Variants in GRID2 observed in about 807,000 individuals in gnomAD.
GRID2 encodes the protein glutamate receptor ionotropic, delta-2.
A neutral mutation model predicts 114.8 loss-of-function variants in GRID2; 33 were observed. The ratio of observed to expected loss-of-function variants is 0.29; its 90% CI spans 0.22 to 0.38. GRID2 has a LOEUF of 0.38. GRID2 is among the 10% of genes least tolerant of loss of function. The probability of loss-of-function intolerance (pLI) is 1.00; values close to 1 mark genes in which losing one functional copy is unlikely to be tolerated. For synonymous variants in GRID2, 505 were observed against 449.9 expected, an observed-to-expected ratio of 1.12 and a Z score of -1.55; for missense variants, 1,184 against 1,257.7, an observed-to-expected ratio of 0.94 and a Z score of 0.89.
In GRID2 at chr4:92,797,576, CT is replaced by C. The variant is rs982100032; in HGVS notation, c.244+207294del. 3.3e-5 allele frequency among the ~76,000 whole-genome samples: 5 copies of C among 151,936 alleles called. No homozygotes were observed. In the South Asian group the frequency reaches 1.0e-3, roughly 32 times the overall value. ...AACTCTTTCAATAGATTTGCATACA[CT>C]TTTAAGTTAAAAATTTTAACTTTTT... On this transcript the variant is annotated intron_variant, in intron 2 of 15. Coordinates refer to ENST00000282020, the MANE Select transcript of GRID2 (RefSeq NM_001510.4).
intron 14 of GRID2, among the ~76,000 whole-genome samples, chr4:93,739,725 G>A (rs1731215951): frequency 6.6e-6 from 1 of 152,104 alleles, no homozygotes; most frequent in South Asian, 2.1e-4. Flanking sequence ...TTATCCTCCA[G>A]AGAAATTTGC....
At chr4:92,625,434 T>A (rs1288316722) in intron 2 of GRID2, among the ~76,000 whole-genome samples, 2 of 151,718 alleles carry the variant, frequency 1.3e-5, no homozygotes, top group East Asian at 3.9e-4. Flanking sequence ...GAGGCAAAAG[T>A]AGAAAGAGAG....
intron 2 of GRID2, among the ~76,000 whole-genome samples, chr4:92,620,474 A>G (rs1392356166): frequency 6.6e-6 from 1 of 151,696 alleles, no homozygotes; most frequent in African/African-American, 2.4e-5. Context: ...GGGACCAGTA[A>G]AAGAGAGACT....
At chr4:93,056,693 AAT>A (rs1249171024) in intron 2 of GRID2, among the ~76,000 whole-genome samples, 1 of 151,930 alleles carries the variant, frequency 6.6e-6, no homozygotes, top group Non-Finnish European at 1.5e-5. Flanking sequence ...GTGCATGATA[AAT>A]ATATGTTTCT....
At chr4:93,089,612 T>C (rs960059217) in intron 3 of GRID2, among the ~76,000 whole-genome samples, 61 of 152,264 alleles carry the variant, frequency 4.0e-4, no homozygotes, top group African/African-American at 1.1e-3. Flanking sequence ...TCTTTTTTCT[T>C]TGCAAATAGA....
chr4:92,378,068 AG>A (rs1292897678), intron 1 of GRID2, among the ~76,000 whole-genome samples: 2 of 152,074 alleles, frequency 1.3e-5, no homozygotes, highest in African/African-American at 4.8e-5. Context: ...ATATAATTTT[AG>A]AGCTGAAAGA....
At chr4:93,618,035 A>C (rs182221460) in intron 13 of GRID2, among the ~76,000 whole-genome samples, 9 of 152,264 alleles carry the variant, frequency 5.9e-5, no homozygotes, top group Admixed American at 4.6e-4. Flanking sequence ...GCCTCCCTGA[A>C]AGTTTACTCA....
chr4:92,707,089 G>A lies in GRID2; in HGVS notation c.244+116803G>A, dbSNP rs958490897. Among the ~76,000 whole-genome samples, 5 of 152,212 alleles carry A rather than the reference G, an allele frequency of 3.3e-5. No individual in the cohort carries two copies. The South Asian group carries it at 1.0e-3, about 32-fold the overall frequency. ...TTAATTCTTCTGTAAATGTTAGATA[G>A]GGAGTTATATTGATTTTTTAAAAAA... On this transcript the variant is annotated intron_variant, in intron 2 of 15. Transcript: ENST00000282020.
At chr4:92,674,947 C>G (rs964495681) in intron 2 of GRID2, among the ~76,000 whole-genome samples, 1 of 152,014 alleles carries the variant, frequency 6.6e-6, no homozygotes, top group Non-Finnish European at 1.5e-5. Flanking sequence ...TGACTATTTT[C>G]TTTTTCTTAT....
rs928144733 is a variant in GRID2 at position 92,485,184 on chromosome 4, G to T, written c.89-104947G>T. On this transcript the variant is annotated intron_variant, in intron 1 of 15. Coordinates refer to ENST00000282020, the MANE Select transcript of GRID2 (RefSeq NM_001510.4). ...CCTAATCCTGGAGGATGACAGTTGGGGATTGGGAAGGAATCAGTGAGAATA... is the reference window on the plus strand; with the variant it reads ...CCTAATCCTGGAGGATGACAGTTGGTGATTGGGAAGGAATCAGTGAGAATA... Among the ~76,000 whole-genome samples, 9 of 150,166 alleles carry T rather than the reference G, an allele frequency of 6.0e-5. No homozygotes were observed. In the East Asian group the frequency reaches 1.8e-3, roughly 29 times the overall value.
intron 4 of GRID2, among the ~76,000 whole-genome samples, chr4:93,156,106 A>G (rs928516282): frequency 1.3e-5 from 2 of 151,822 alleles, no homozygotes; most frequent in Admixed American, 1.3e-4. Flanking sequence ...CACCTGTTAC[A>G]TACCCATAAT....
chr4:92,389,675 C>A (rs1448875071), intron 1 of GRID2, among the ~76,000 whole-genome samples: 2 of 152,020 alleles, frequency 1.3e-5, no homozygotes, highest in Non-Finnish European at 2.9e-5. Flanking sequence ...TTACAAAGGT[C>A]TCTTTTAGTG....
In GRID2 at chr4:93,508,968, T is replaced by G. The variant is rs576860831; in HGVS notation, c.1998-6248T>G. On this transcript the variant is annotated intron_variant, in intron 12 of 15. Transcript: ENST00000282020. ...CAGCCAGGAATGAAGAAACAGTGTT[T>G]GGCTTATACTGTGAATATGAGTAAG... Among the ~76,000 whole-genome samples the G allele has an allele frequency of 4.6e-5, 7 of 152,336 alleles. No individual in the cohort carries two copies. In the South Asian group the frequency reaches 1.0e-3, roughly 23 times the overall value.
intron 8 of GRID2, among the ~76,000 whole-genome samples, chr4:93,251,690 T>C (rs979086155): frequency 6.6e-6 from 1 of 152,164 alleles, no homozygotes; most frequent in African/African-American, 2.4e-5. Flanking sequence ...CAGGCTCCAG[T>C]ATGTGTCGTT....
intron 2 of GRID2, among the ~76,000 whole-genome samples, chr4:92,737,839 A>G (rs966751663): frequency 3.3e-5 from 5 of 152,116 alleles, no homozygotes; most frequent in African/African-American, 4.8e-5. Context: ...TTTTGTTTCT[A>G]AACTAATACT....
At chr4:92,895,037 T>C (rs1287875472) in intron 2 of GRID2, among the ~76,000 whole-genome samples, 1 of 152,014 alleles carries the variant, frequency 6.6e-6, no homozygotes, top group Non-Finnish European at 1.5e-5. Flanking sequence ...CTGTCTCCCA[T>C]ATTTAAGTTA....
At chr4:92,661,730 A>G (rs1488602576) in intron 2 of GRID2, among the ~76,000 whole-genome samples, 1 of 150,892 alleles carries the variant, frequency 6.6e-6, no homozygotes, top group African/African-American at 2.4e-5. Context: ...TGTCTTAATG[A>G]TGATGTATAT....
intron 9 of GRID2, among the ~76,000 whole-genome samples, chr4:93,421,539 T>C (rs1260616798): frequency 6.6e-6 from 1 of 152,176 alleles, no homozygotes; most frequent in Non-Finnish European, 1.5e-5. Flanking sequence ...AACATAGTTA[T>C]AGATGAACAT....
At chr4:92,468,520 T>C (rs1721865150) in intron 1 of GRID2, among the ~76,000 whole-genome samples, 1 of 152,076 alleles carries the variant, frequency 6.6e-6, no homozygotes, top group Non-Finnish European at 1.5e-5. Flanking sequence ...TATTTATTTT[T>C]AAAAAACTTA....
Sources: gnomAD v4.1 joint callset for allele counts (sites outside exome capture counted in the v4.1 genomes callset) on GRCh38, gnomAD v4.1.1 for gene constraint, MANE v1.5 for transcripts, NCBI Gene and HGNC (gene_info 2026-07-23, HGNC 2026-07-21) for gene names.